SH2D4B: variants seen among roughly 807,000 people sequenced by gnomAD.
SH2D4B encodes the protein SH2 domain-containing protein 4B.
Under a neutral mutation model 61.5 loss-of-function variants are expected in SH2D4B, and 45 were observed. The observed-to-expected ratio is 0.73, with a 90% confidence interval of 0.58 to 0.94. The LOEUF (loss-of-function observed/expected upper bound fraction) is 0.94, where lower values mean the gene tolerates loss of function less well. Among genes scored for constraint, SH2D4B ranks in the 40% least tolerant of loss-of-function variants. The pLI is 0.00. For synonymous variants in SH2D4B, 224 were observed against 220.4 expected (o/e 1.02, Z -0.14); for missense variants, 572 against 574.2 (o/e 1.00, Z 0.04).
intron 3 of SH2D4B, among the ~76,000 whole-genome samples, chr10:80,575,680 C>T (rs1170427515): frequency 6.6e-6 from 1 of 152,176 alleles, no homozygotes; most frequent in Non-Finnish European, 1.5e-5. Flanking sequence ...GAGGCTGAGG[C>T]AGGAGAATTG....
At chr10:80,585,708 C>T (rs781133355) in intron 3 of SH2D4B, among the ~76,000 whole-genome samples, 6 of 152,180 alleles carry the variant, frequency 3.9e-5, no homozygotes, top group Non-Finnish European at 5.9e-5. Context: ...GAGGTGACAG[C>T]GTGCTAGCAG....
chr10:80,597,520 G>T (rs1448118166), intron 4 of SH2D4B, among the ~76,000 whole-genome samples: 1 of 152,130 alleles, frequency 6.6e-6, no homozygotes, highest in East Asian at 1.9e-4. Flanking sequence ...ACAAAAATTA[G>T]CCAGGCATGG....
chr10:80,549,463 G>A (rs774898048), intron 1 of SH2D4B, among the ~76,000 whole-genome samples: 12 of 152,190 alleles, frequency 7.9e-5, no homozygotes, highest in Non-Finnish European at 1.5e-4. Flanking sequence ...AGACAGCTGT[G>A]CAGATGAGTG....
At chr10:80,555,369 C>G (rs1192516417) in intron 1 of SH2D4B, among the ~76,000 whole-genome samples, 1 of 151,506 alleles carries the variant, frequency 6.6e-6, no homozygotes, top group Non-Finnish European at 1.5e-5. Flanking sequence ...CTCTCCCTGC[C>G]TACTGTTCAC....
At chr10:80,565,984 CG>C (rs1249071411) in intron 1 of SH2D4B, among the ~76,000 whole-genome samples, 1 of 146,030 alleles carries the variant, frequency 6.8e-6, no homozygotes, top group Non-Finnish European at 1.5e-5. Context: ...CCAGCTACTC[CG>C]GAGGCTGAGG....
intron 1 of SH2D4B, among the ~76,000 whole-genome samples, chr10:80,557,674 G>T (rs991970944): frequency 1.3e-5 from 2 of 152,034 alleles, no homozygotes; most frequent in African/African-American, 4.8e-5. Context: ...TTGTCTGTAG[G>T]ATCTTTAGTG....
intron 1 of SH2D4B, among the ~76,000 whole-genome samples, chr10:80,560,307 T>G (rs1440899816): frequency 6.6e-6 from 1 of 151,992 alleles, no homozygotes; most frequent in Admixed American, 6.6e-5. Context: ...TTTATTTTTA[T>G]TTTTTAAAGT....
chr10:80,544,894 C>T (rs1199157460), intron 1 of SH2D4B, among the ~76,000 whole-genome samples: 3 of 152,172 alleles, frequency 2.0e-5, no homozygotes, highest in Non-Finnish European at 2.9e-5. Context: ...CATGTGCATC[C>T]TTCTGCATGG....
chr10:80,615,887 A>C (rs1426258616), intron 6 of SH2D4B, among the ~76,000 whole-genome samples: 1 of 152,248 alleles, frequency 6.6e-6, no homozygotes, highest in Non-Finnish European at 1.5e-5. Context: ...TGTGAGGATT[A>C]AATGTATCAA....
At chr10:80,568,402 G>T (rs1378998769) in intron 1 of SH2D4B, among the ~76,000 whole-genome samples, 2 of 152,100 alleles carry the variant, frequency 1.3e-5, no homozygotes, top group Non-Finnish European at 2.9e-5. Flanking sequence ...CAAGGAGGTG[G>T]GTGTCTCCTG....
chr10:80,571,684 G>C lies in SH2D4B; in HGVS notation c.495+106G>C. 2.3e-6 allele frequency: 3 copies of C among 1,293,666 alleles called. No individual in the cohort carries two copies. In the South Asian group the frequency reaches 4.3e-5, roughly 19 times the overall value. The allele number at this position is 1,293,666 out of a possible 1,614,324, so 80.1% of individuals were successfully genotyped here. ...AATCCTTGGCCATTGGTTGGTACTG[G>C]GTGCTTTATGAGAATAGAAATCTGT... On this transcript the variant is annotated intron_variant, in intron 3 of 7. Coordinates refer to ENST00000646907, the MANE Select transcript of SH2D4B (RefSeq NM_001388272.1).
intron 4 of SH2D4B, among the ~76,000 whole-genome samples, chr10:80,596,901 G>T (rs767939179): frequency 1.3e-5 from 2 of 152,224 alleles, no homozygotes; most frequent in African/African-American, 4.8e-5. Context: ...AACAGTATAC[G>T]CTTGGCCTTC....
chr10:80,622,288 T>G (rs987682764), intron 6 of SH2D4B, among the ~76,000 whole-genome samples: 15 of 152,240 alleles, frequency 9.9e-5, no homozygotes, highest in African/African-American at 3.6e-4. Flanking sequence ...GTATACATTG[T>G]GTATATATCA....
In SH2D4B at chr10:80,582,936, A is replaced by T. The variant is rs907439259; in HGVS notation, c.496-5694A>T. Among the ~76,000 whole-genome samples the T allele has an allele frequency of 5.3e-5, 8 of 152,282 alleles. No individual in the cohort carries two copies. The East Asian group carries it at 1.5e-3, about 29-fold the overall frequency. On this transcript the variant is annotated intron_variant, in intron 3 of 7. Transcript: ENST00000646907. ...AGGGGCCTCTAGATACTTACATCTG[A>T]GGGTCCTGCAACATGGCTGGTTCCT...
At chr10:80,586,307 C>T (rs7095589) in intron 3 of SH2D4B, among the ~76,000 whole-genome samples, 1 of 152,054 alleles carries the variant, frequency 6.6e-6, no homozygotes, top group South Asian at 2.1e-4. Flanking sequence ...CCCTGGTGCG[C>T]GATCCACTGG....
At chr10:80,611,842 A>T (rs1265827831) in intron 6 of SH2D4B, among the ~76,000 whole-genome samples, 1 of 150,642 alleles carries the variant, frequency 6.6e-6, no homozygotes, top group Non-Finnish European at 1.5e-5. Flanking sequence ...CAGAACCAAG[A>T]TTTAAGTCTC....
At chr10:80,591,792 G>A (rs1205647220) in intron 4 of SH2D4B, among the ~76,000 whole-genome samples, 1 of 152,034 alleles carries the variant, frequency 6.6e-6, no homozygotes, top group African/African-American at 2.4e-5. Flanking sequence ...GAGCCACCAT[G>A]CCCAGTCCAA....
chr10:80,587,152 T>TTG (rs1564775948), intron 3 of SH2D4B, among the ~76,000 whole-genome samples: 11,677 of 62,132 alleles, frequency 0.19, 619 homozygotes, highest in East Asian at 0.36. Flanking sequence ...TTTTGTTTTG[T>TTG]TTTTTTTTTT....
intron 1 of SH2D4B, chr10:80,540,866 T>G: frequency 6.4e-7 from 1 of 1,551,536 alleles, no homozygotes; most frequent in Non-Finnish European, 8.7e-7. Flanking sequence ...GGGGACGGGC[T>G]CCACGGAGGA....
Sources: gnomAD v4.1 joint callset for allele counts (sites outside exome capture counted in the v4.1 genomes callset) on GRCh38, gnomAD v4.1.1 for gene constraint, MANE v1.5 for transcripts, NCBI Gene and HGNC (gene_info 2026-07-23, HGNC 2026-07-21) for gene names.